The following BZW2 variants were observed in gnomAD, a reference collection of about 807,000 sequenced individuals.
BZW2 encodes basic leucine zipper and W2 domains 2, also known as eIF5-mimic protein 1.
A neutral mutation model predicts 53.2 loss-of-function variants in BZW2; 23 were observed. The observed-to-expected ratio is 0.43, with a 90% CI of 0.31 to 0.61. BZW2 has a LOEUF of 0.61. Ranked by LOEUF, BZW2 falls within the 20% of genes least tolerant of loss-of-function variation. The pLI, the probability that BZW2 is intolerant of heterozygous loss-of-function variation, is 0.09. For missense variants in BZW2, 409 were observed against 503.1 expected (o/e 0.81, Z 1.79); for synonymous variants, 227 against 186.4 (o/e 1.22, Z -1.77).
At chr7:16,680,501 A>G (rs141838975) in intron 3 of BZW2, among the ~76,000 whole-genome samples, 238 of 152,304 alleles carry the variant, frequency 1.6e-3, no homozygotes, top group South Asian at 4.8e-3. Context: ...TTTGTATTAT[A>G]TTAGAAACAT....
At chr7:16,686,595 A>G (rs1783133429) in intron 6 of BZW2, 1 of 152,684 alleles carries the variant, frequency 6.5e-6, no homozygotes, top group Admixed American at 6.5e-5. Flanking sequence ...TTATAGAATA[A>G]AATAAAAGTC....
At chr7:16,682,899 A>G in intron 5 of BZW2, 54 bp downstream of exon 5, 2 of 1,294,536 alleles carry the variant, frequency 1.5e-6, no homozygotes, top group Non-Finnish European at 2.1e-6. Flanking sequence ...ATGGGGGTGG[A>G]TAAAAATTTT....
At chr7:16,700,719 T>TA (rs1422069815) in intron 10 of BZW2, 41 of 152,320 alleles carry the variant, frequency 2.7e-4, no homozygotes, top group African/African-American at 8.9e-4. Context: ...TTCAAGATTA[T>TA]ACTTACCTTT....
chr7:16,689,450 T>C (rs1025950335), intron 6 of BZW2, among the ~76,000 whole-genome samples: 2 of 152,078 alleles, frequency 1.3e-5, no homozygotes, highest in Admixed American at 1.3e-4. Flanking sequence ...GTTATAAAGA[T>C]GAAATACATA....
chr7:16,692,201 T>TAGC (rs1783330196), intron 7 of BZW2, among the ~76,000 whole-genome samples: 2 of 152,164 alleles, frequency 1.3e-5, no homozygotes, highest in African/African-American at 4.8e-5. Context: ...GAGCAATTTA[T>TAGC]AGCAACTCAG....
At chr7:16,699,606 C>T (rs1405446918) in intron 10 of BZW2, among the ~76,000 whole-genome samples, 1 of 152,146 alleles carries the variant, frequency 6.6e-6, no homozygotes, top group Non-Finnish European at 1.5e-5. Flanking sequence ...ACCAGTGTTT[C>T]TCACCAATTT....
At chr7:16,676,884 C>T (rs867620812) in intron 3 of BZW2, among the ~76,000 whole-genome samples, 2 of 152,028 alleles carry the variant, frequency 1.3e-5, no homozygotes, top group African/African-American at 2.4e-5. Flanking sequence ...TTCCCTTACA[C>T]GAGACCACTT....
At chr7:16,700,438 C>T (rs1229248763) in intron 10 of BZW2, among the ~76,000 whole-genome samples, 1 of 152,148 alleles carries the variant, frequency 6.6e-6, no homozygotes, top group Non-Finnish European at 1.5e-5. Flanking sequence ...GATTTGGATG[C>T]TCTCATTCCG....
intron 5 of BZW2, among the ~76,000 whole-genome samples, chr7:16,684,373 A>G (rs1029861616): frequency 2.6e-5 from 4 of 152,218 alleles, no homozygotes; most frequent in Non-Finnish European, 4.4e-5. Flanking sequence ...AGTTTTAGCT[A>G]TCATTAGCAT....
chr7:16,667,614 AG>A (rs1240472788), intron 2 of BZW2, among the ~76,000 whole-genome samples: 2 of 152,238 alleles, frequency 1.3e-5, no homozygotes, highest in African/African-American at 2.4e-5. Flanking sequence ...CATTTGGATC[AG>A]AAGAGTTTGT....
intron 2 of BZW2, among the ~76,000 whole-genome samples, chr7:16,668,653 G>A (rs549237502): frequency 6.6e-6 from 1 of 152,302 alleles, no homozygotes; most frequent in Admixed American, 6.5e-5. Flanking sequence ...GATATTTCAA[G>A]GTCCTTGTGA....
chr7:16,693,104 A>G (rs1290073522), intron 7 of BZW2, among the ~76,000 whole-genome samples: 2 of 152,180 alleles, frequency 1.3e-5, no homozygotes, highest in African/African-American at 2.4e-5. Flanking sequence ...TCTCTGCAGA[A>G]TGGTGTGTAA....
Position 16,682,922 on chromosome 7 carries a change from A to G in BZW2, c.405+77A>G, listed in dbSNP as rs1365631646. 2.4e-5 allele frequency: 24 copies of G among 999,854 alleles called. No individual in the cohort carries two copies. In the South Asian group the frequency reaches 3.9e-4, roughly 16 times the overall value. The allele number at this position is 999,854 out of a possible 1,614,324, so 61.9% of individuals were successfully genotyped here. On this transcript the variant is annotated intron_variant, in intron 5 of 11. Coordinates refer to ENST00000258761, the MANE Select transcript of BZW2 (RefSeq NM_014038.3). ...GGATAAAAATTTTATAAGTGGCCGGACACGGTGGCTCACGCCTGTAATCCC... is the reference window on the plus strand; with the variant it reads ...GGATAAAAATTTTATAAGTGGCCGGGCACGGTGGCTCACGCCTGTAATCCC...
At chr7:16,674,683 T>A in intron 3 of BZW2, 95 bp downstream of exon 3, 3 of 1,085,766 alleles carry the variant, frequency 2.8e-6, no homozygotes, top group Non-Finnish European at 3.7e-6. Flanking sequence ...TAAGTTTATG[T>A]TTATTAGAGT....
intron 9 of BZW2, among the ~76,000 whole-genome samples, chr7:16,697,711 T>C (rs1783543966): frequency 6.6e-6 from 1 of 152,224 alleles, no homozygotes; most frequent in African/African-American, 2.4e-5. Context: ...TATGAGAATC[T>C]GCCTATATTA....
intron 8 of BZW2, among the ~76,000 whole-genome samples, chr7:16,695,603 A>G (rs971115924): frequency 1.3e-5 from 2 of 152,198 alleles, no homozygotes; most frequent in African/African-American, 4.8e-5. Context: ...TAGTTCACAA[A>G]GCAATGACTA....
chr7:16,647,998 G>A (rs1345056912), intron 1 of BZW2, among the ~76,000 whole-genome samples: 1 of 152,148 alleles, frequency 6.6e-6, no homozygotes, highest in Non-Finnish European at 1.5e-5. Flanking sequence ...GGTATTTAGT[G>A]CTCTCTGAAT....
intron 10 of BZW2, among the ~76,000 whole-genome samples, chr7:16,699,947 AG>A (rs1194377162): frequency 2.0e-5 from 3 of 152,180 alleles, no homozygotes. Context: ...GGAAGTAAAA[AG>A]AAGAGGCATG....
chr7:16,656,018 A>T (rs1383893723), intron 1 of BZW2, among the ~76,000 whole-genome samples: 1 of 152,114 alleles, frequency 6.6e-6, no homozygotes, highest in Non-Finnish European at 1.5e-5. Flanking sequence ...GTAAATTTTA[A>T]CATAGATACC....
Sources: gnomAD v4.1 joint callset for allele counts (sites outside exome capture counted in the v4.1 genomes callset) on GRCh38, gnomAD v4.1.1 for gene constraint, MANE v1.5 for transcripts, NCBI Gene and HGNC (gene_info 2026-07-23, HGNC 2026-07-21) for gene names.